SHISA9: variants seen among roughly 807,000 people sequenced by gnomAD.
SHISA9 encodes protein shisa-9.
Under a neutral mutation model 38.0 loss-of-function variants are expected in SHISA9, and 13 were observed. The ratio of observed to expected loss-of-function variants is 0.34; its 90% confidence interval spans 0.22 to 0.54. SHISA9 has a LOEUF of 0.54. Among genes scored for constraint, SHISA9 ranks in the 20% least tolerant of loss-of-function variants. The pLI, the probability that SHISA9 is intolerant of heterozygous loss-of-function variation, is 0.91. For missense variants in SHISA9, 538 were observed against 575.8 expected, an observed-to-expected ratio of 0.93 and a Z score of 0.67; for synonymous variants, 275 against 242.0, an observed-to-expected ratio of 1.14 and a Z score of -1.27.
At chr16:13,081,058 T>C (rs188881861) in intron 2 of SHISA9, among the ~76,000 whole-genome samples, 36 of 152,330 alleles carry the variant, frequency 2.4e-4, no homozygotes, top group East Asian at 1.4e-3. Context: ...ACCATCACAT[T>C]GGGAATTAGC....
chr16:13,308,364 A>G, the SHISA9 span, among the ~76,000 whole-genome samples: 2 of 152,186 alleles, frequency 1.3e-5, no homozygotes, highest in African/African-American at 4.8e-5. Flanking sequence ...TGGTAGGACA[A>G]GAGACTGGCA....
chr16:13,284,159 G>A, the SHISA9 span, among the ~76,000 whole-genome samples: 1 of 152,134 alleles, frequency 6.6e-6, no homozygotes, highest in Non-Finnish European at 1.5e-5. Context: ...GCTCTGTTGA[G>A]ACTCCTGTTT....
At chr16:13,406,008 A>G in the SHISA9 span, among the ~76,000 whole-genome samples, 11 of 152,292 alleles carry the variant, frequency 7.2e-5, no homozygotes, top group African/African-American at 2.4e-4. Flanking sequence ...AAACTAAAGA[A>G]AAAGAAATTT....
chr16:13,043,811 A>G (rs1413195177), intron 2 of SHISA9, among the ~76,000 whole-genome samples: 1 of 152,110 alleles, frequency 6.6e-6, no homozygotes, highest in Non-Finnish European at 1.5e-5. Context: ...TCAGCCTGAA[A>G]TTCCTCTCTC....
At chr16:12,940,988 G>A (rs2071602946) in intron 2 of SHISA9, among the ~76,000 whole-genome samples, 1 of 152,152 alleles carries the variant, frequency 6.6e-6, no homozygotes, top group Non-Finnish European at 1.5e-5. Context: ...ATCATGTTTT[G>A]CTACCAACCT....
chr16:13,357,901 C>T, the SHISA9 span, among the ~76,000 whole-genome samples: 8 of 152,006 alleles, frequency 5.3e-5, no homozygotes, highest in East Asian at 3.9e-4. Context: ...CAATGACCGG[C>T]CATTTACACT....
At chr16:13,084,865 C>G (rs251917) in intron 2 of SHISA9, among the ~76,000 whole-genome samples, 108,018 of 152,050 alleles carry the variant, frequency 0.71, 38,649 homozygotes, top group Admixed American at 0.78. Flanking sequence ...TCCAGGCAGA[C>G]GGAACAGCTT....
Position 13,210,152 on chromosome 16 carries a change from T to C in SHISA9, c.848-3101T>C, listed in dbSNP as rs144881705. Among the ~76,000 whole-genome samples the C allele has an allele frequency of 2.8e-3, 424 of 152,282 alleles. 3 individuals are homozygous for C. The highest frequency in any genetic ancestry group is 9.8e-3 in the African/African-American group (406 of 41,562). ...CACTTGGTGGTTCAGAGAGGGATGA[T>C]TGGTACTTCCAGAACTGGAAAAGAT... On this transcript the variant is annotated intron_variant, in intron 3 of 4. Transcript: ENST00000558583.
rs1567184182 is a variant in SHISA9 at position 13,019,931 on chromosome 16, CTTT to C, written c.691+103117_691+103119del. 8.2e-3 allele frequency among the ~76,000 whole-genome samples: 775 copies of C among 94,534 alleles called. 24 individuals carry two copies. The highest frequency in any genetic ancestry group is 0.014 in the Non-Finnish European group (617 of 45,470). The allele number at this position is 94,534 out of a possible 152,430, so 62.0% of individuals were successfully genotyped here. A position where few individuals can be genotyped will look rare whatever the true frequency, so the allele number is the denominator to read the frequency against. ...TCTTTCTTTCTTTCTTTCTTTCTTT[CTTT>C]CTTTCTTTCTTTCTTTCTTTCTTTC... On this transcript the variant is annotated intron_variant, in intron 2 of 4. Transcript: ENST00000558583.
the SHISA9 span, among the ~76,000 whole-genome samples, chr16:13,257,820 T>C: frequency 6.6e-6 from 1 of 152,166 alleles, no homozygotes; most frequent in Non-Finnish European, 1.5e-5. Flanking sequence ...AAATCTGAAA[T>C]CTGCTCATTA....
the SHISA9 span, among the ~76,000 whole-genome samples, chr16:13,436,324 T>C: frequency 1.3e-5 from 2 of 152,234 alleles, no homozygotes; most frequent in South Asian, 2.1e-4. Context: ...CTGGTCATTA[T>C]ATGCTAACCA....
intron 2 of SHISA9, among the ~76,000 whole-genome samples, chr16:13,109,032 A>C (rs17242582): frequency 0.19 from 29,642 of 152,124 alleles, 3,446 homozygotes; most frequent in South Asian, 0.37. Context: ...TAGACTCCAG[A>C]GCATTTTGGG....
At chr16:12,996,364 A>G (rs746872703) in intron 2 of SHISA9, among the ~76,000 whole-genome samples, 1 of 152,186 alleles carries the variant, frequency 6.6e-6, no homozygotes, top group Non-Finnish European at 1.5e-5. Context: ...GCTGGAGGTG[A>G]GTAGCAGCTG....
At chr16:13,164,036 C>T (rs2050616400) in intron 2 of SHISA9, among the ~76,000 whole-genome samples, 1 of 152,034 alleles carries the variant, frequency 6.6e-6, no homozygotes, top group Non-Finnish European at 1.5e-5. Flanking sequence ...ATGGCAAAAG[C>T]AGATGTTCAT....
the SHISA9 span, among the ~76,000 whole-genome samples, chr16:13,267,735 T>C: frequency 3.9e-5 from 6 of 152,238 alleles, no homozygotes; most frequent in African/African-American, 1.4e-4. Flanking sequence ...ATCTATTCTC[T>C]GCTCCATCTT....
At chr16:12,913,440 A>T (rs2141717553) in intron 1 of SHISA9, among the ~76,000 whole-genome samples, 1 of 152,196 alleles carries the variant, frequency 6.6e-6, no homozygotes, top group South Asian at 2.1e-4. Flanking sequence ...CAGGTGATCC[A>T]CCCGTCTTGG....
At chr16:12,927,965 T>C (rs2071414526) in intron 2 of SHISA9, among the ~76,000 whole-genome samples, 1 of 152,206 alleles carries the variant, frequency 6.6e-6, no homozygotes, top group Non-Finnish European at 1.5e-5. Context: ...ACCAGCATAG[T>C]GTGCTGACTT....
rs1567184212 is a variant in SHISA9, at chr16:13,019,939, CTT to C, written c.691+103126_691+103127del. Among the ~76,000 whole-genome samples, 130 of 90,604 alleles carry C rather than the reference CTT, an allele frequency of 1.4e-3. 2 individuals are homozygous for C. Among genetic ancestry groups the C allele is most frequent in the Non-Finnish European group, 2.6e-3 (106 of 40,922 alleles). 59.4% of individuals were successfully genotyped at this position (90,604 alleles called of 152,430 possible). A position where few individuals can be genotyped will look rare whatever the true frequency, so the allele number is the denominator to read the frequency against. On this transcript the variant is annotated intron_variant, in intron 2 of 4. Coordinates refer to ENST00000558583, the MANE Select transcript of SHISA9 (RefSeq NM_001145204.3). ...TCTTTCTTTCTTTCTTTCTTTCTTTCTTTCTTTCTTTCTTTCTTTCCCTCCTT... is the reference window on the plus strand; with the variant it reads ...TCTTTCTTTCTTTCTTTCTTTCTTTCTCTTTCTTTCTTTCTTTCCCTCCTT...
At chr16:13,161,377 G>A (rs1030014460) in intron 2 of SHISA9, among the ~76,000 whole-genome samples, 4 of 152,076 alleles carry the variant, frequency 2.6e-5, no homozygotes, top group African/African-American at 9.7e-5. Flanking sequence ...ACCCTAACAC[G>A]TCCTCACTCA....
Sources: allele counts gnomAD v4.1 joint callset (sites outside exome capture counted in the v4.1 genomes callset), GRCh38; gene constraint gnomAD v4.1.1; transcripts MANE v1.5; gene names NCBI Gene and HGNC (gene_info 2026-07-23, HGNC 2026-07-21).